HGF: variants seen among roughly 807,000 people sequenced by gnomAD.
HGF encodes the protein hepatocyte growth factor.
In HGF, 39 loss-of-function variants were observed where a neutral mutation model predicts 111.6. That is an observed-to-expected ratio of 0.35 (90% CI 0.27 to 0.46). HGF has a LOEUF of 0.46. Among genes scored for constraint, HGF ranks in the 20% least tolerant of loss-of-function variants. HGF has a pLI of 1.00. For synonymous variants in HGF, 285 were observed against 294.8 expected, an observed-to-expected ratio of 0.97 and a Z score of 0.34; for missense variants, 735 against 910.5, an observed-to-expected ratio of 0.81 and a Z score of 2.48.
intron 5 of HGF, among the ~76,000 whole-genome samples, chr7:81,745,406 T>C: frequency 6.6e-6 from 1 of 152,148 alleles, no homozygotes; most frequent in East Asian, 1.9e-4. Flanking sequence ...CTCAAAGGTA[T>C]CTAGAAAATG....
intron 7 of HGF, 97 bp from the exon 8 acceptor site, chr7:81,729,876 T>C: frequency 2.9e-6 from 3 of 1,043,474 alleles, no homozygotes; most frequent in Non-Finnish European, 4.2e-6. Flanking sequence ...TTAGCAGATT[T>C]TTTTTTCTGT....
chr7:81,725,359 A>G (rs912945049), intron 9 of HGF, among the ~76,000 whole-genome samples: 3 of 152,036 alleles, frequency 2.0e-5, no homozygotes, highest in African/African-American at 7.2e-5. Flanking sequence ...CACCATTTGC[A>G]TTTGCAGTTT....
chr7:81,715,603 G>A (rs1393890707), intron 11 of HGF, among the ~76,000 whole-genome samples: 1 of 151,970 alleles, frequency 6.6e-6, no homozygotes, highest in African/African-American at 2.4e-5. Flanking sequence ...AAAAATAGAT[G>A]GAGCAGCTCC....
At chr7:81,752,399 T>A in intron 4 of HGF, 137 bp from the exon 5 acceptor site, 1 of 688,318 alleles carries the variant, frequency 1.5e-6, no homozygotes, top group Non-Finnish European at 2.5e-6. Context: ...TATTTTACCT[T>A]AAAATTCTGT....
At chr7:81,715,495 G>C (rs1789686632) in intron 11 of HGF, among the ~76,000 whole-genome samples, 1 of 151,992 alleles carries the variant, frequency 6.6e-6, no homozygotes, top group African/African-American at 2.4e-5. Context: ...TATGATCATG[G>C]CTGATAAAAT....
At chr7:81,703,359 T>C (rs1789338036) in intron 17 of HGF, among the ~76,000 whole-genome samples, 1 of 150,960 alleles carries the variant, frequency 6.6e-6, no homozygotes, top group Admixed American at 6.6e-5. Context: ...GGAATATTCC[T>C]CCAGTTACTG....
intron 5 of HGF, among the ~76,000 whole-genome samples, chr7:81,748,905 C>T (rs1213108413): frequency 3.3e-5 from 5 of 152,152 alleles, no homozygotes; most frequent in South Asian, 2.1e-4. Flanking sequence ...CATTTTTCTC[C>T]GTCATAAAAC....
intron 1 of HGF, among the ~76,000 whole-genome samples, chr7:81,765,296 A>AT (rs1375447869): frequency 2.0e-5 from 3 of 152,118 alleles, no homozygotes; most frequent in Admixed American, 6.5e-5. Context: ...TTTTGATTGT[A>AT]TTTAATTCTA....
intron 1 of HGF, among the ~76,000 whole-genome samples, chr7:81,765,069 G>T (rs2116256962): frequency 6.6e-6 from 1 of 152,112 alleles, no homozygotes; most frequent in African/African-American, 2.4e-5. Context: ...TAAAATTGAA[G>T]TTGGCCTGAT....
chr7:81,766,109 C>A (rs1789344469), intron 1 of HGF, among the ~76,000 whole-genome samples: 1 of 152,160 alleles, frequency 6.6e-6, no homozygotes, highest in South Asian at 2.1e-4. Flanking sequence ...AAAACCTACA[C>A]ACAGAAAGTA....
chr7:81,745,333 C>G (rs1188399440), intron 5 of HGF, among the ~76,000 whole-genome samples: 2 of 152,018 alleles, frequency 1.3e-5, no homozygotes, highest in Non-Finnish European at 2.9e-5. Context: ...GATTTTTGTA[C>G]TTAGTGTCAC....
intron 1 of HGF, among the ~76,000 whole-genome samples, chr7:81,763,699 T>C (rs1789215748): frequency 6.6e-6 from 1 of 152,116 alleles, no homozygotes; most frequent in African/African-American, 2.4e-5. Context: ...ATAGCCCCAA[T>C]CTGTTAGTGA....
chr7:81,749,712 A>G (rs762115563), intron 5 of HGF, among the ~76,000 whole-genome samples: 1 of 152,062 alleles, frequency 6.6e-6, no homozygotes, highest in Non-Finnish European at 1.5e-5. Context: ...AATGTGATAG[A>G]CGAATATTTG....
At chr7:81,731,348 CT>C (rs1427689435) in intron 7 of HGF, among the ~76,000 whole-genome samples, 2 of 152,002 alleles carry the variant, frequency 1.3e-5, no homozygotes. Flanking sequence ...AATATCCAAA[CT>C]TAAAAAGAAA....
chr7:81,764,865 A>C (rs1198946172), intron 1 of HGF, among the ~76,000 whole-genome samples: 1 of 152,056 alleles, frequency 6.6e-6, no homozygotes, highest in Admixed American at 6.6e-5. Context: ...TGACCTTATT[A>C]CACTATTTCT....
intron 4 of HGF, chr7:81,755,213 C>T (rs1296475387): frequency 6.6e-6 from 1 of 152,018 alleles, no homozygotes; most frequent in Non-Finnish European, 1.5e-5. Context: ...ATCATCTTTC[C>T]ATTAAGCCAC....
rs1451041790 is a variant in HGF at position 81,729,810 on chromosome 7, C to T, written c.866-31G>A. 13 of 1,481,524 alleles carry T rather than the reference C, an allele frequency of 8.8e-6. No homozygotes were observed. The African/African-American group carries it at 1.1e-4, about 13-fold the overall frequency. 91.8% of individuals were successfully genotyped at this position (1,481,524 alleles called of 1,614,324 possible). A position where few individuals can be genotyped will look rare whatever the true frequency, so the allele number is the denominator to read the frequency against. ...GGCAAAAAACAACAACAAAAAAAAACTTATATAAAATCTTTGAAGATGTCA... is the reference window on the plus strand; with the variant it reads ...GGCAAAAAACAACAACAAAAAAAAATTTATATAAAATCTTTGAAGATGTCA... On this transcript the variant is annotated intron_variant, in intron 7 of 17. Transcript: ENST00000222390.
rs1238673472 is a variant in HGF, at chr7:81,769,975, G to A, written c.-4C>T. 2 of 1,552,660 alleles carry A rather than the reference G, an allele frequency of 1.3e-6. No homozygotes were observed. The highest frequency in any genetic ancestry group is 1.2e-5 in the South Asian group (1 of 84,186). ...GCAGGAGTTTGGTCACCCACATGGT[G>A]CTGCTGGACGGGCTGGCGGATCCCT... On this transcript the variant is annotated 5_prime_UTR_variant, in exon 1 of 18. Coordinates refer to ENST00000222390, the MANE Select transcript of HGF (RefSeq NM_000601.6).
chr7:81,768,713 A>G (rs1306123508), intron 1 of HGF, among the ~76,000 whole-genome samples: 3 of 152,200 alleles, frequency 2.0e-5, no homozygotes, highest in African/African-American at 7.2e-5. Flanking sequence ...CATGTCAAGC[A>G]TGATAACCTG....
Sources: gnomAD v4.1 joint callset for allele counts (sites outside exome capture counted in the v4.1 genomes callset) on GRCh38, gnomAD v4.1.1 for gene constraint, MANE v1.5 for transcripts, NCBI Gene and HGNC (gene_info 2026-07-23, HGNC 2026-07-21) for gene names.